ST3GAL4: variants seen among roughly 807,000 people sequenced by gnomAD.
The protein encoded by ST3GAL4 is ST3 beta-galactoside alpha-2,3-sialyltransferase 4.
Under a neutral mutation model 42.6 loss-of-function variants are expected in ST3GAL4, and 24 were observed. The ratio of observed to expected loss-of-function variants is 0.56; its 90% CI spans 0.41 to 0.79. The LOEUF is 0.79. Among genes scored for constraint, ST3GAL4 ranks in the 30% least tolerant of loss-of-function variants. The pLI is 0.00. For synonymous variants in ST3GAL4, 135 were observed against 163.2 expected, an observed-to-expected ratio of 0.83 and a Z score of 1.32; for missense variants, 311 against 430.8, an observed-to-expected ratio of 0.72 and a Z score of 2.46.
At position 126,406,738 on chromosome 11, in the gene ST3GAL4, T is replaced by TG. The variant is rs907392538; in HGVS notation, c.101+182dup. On this transcript the variant is annotated intron_variant, in intron 3 of 10. Coordinates refer to ENST00000444328, the MANE Select transcript of ST3GAL4 (RefSeq NM_001254757.2). This position sits in a 1 kb window ranked among gnomAD's most constrained non-coding sequence, Gnocchi z 5.4. Reference sequence around the variant, plus strand: ...GGGTGGGTGGGGGTAGGGCCTGGGATGTCTCACTGGGCCCTCACCCAGGGA... The same window carrying TG: ...GGGTGGGTGGGGGTAGGGCCTGGGATGGTCTCACTGGGCCCTCACCCAGGGA... 1.6e-5 allele frequency: 15 copies of TG among 923,826 alleles called. No homozygotes were observed. The Admixed American group carries it at 1.7e-4, about 11-fold the overall frequency. The allele number at this position is 923,826 out of a possible 1,614,324, so 57.2% of individuals were successfully genotyped here.
intron 1 of ST3GAL4, among the ~76,000 whole-genome samples, chr11:126,388,666 T>TTG (rs1953335594): frequency 7.2e-6 from 1 of 139,076 alleles, no homozygotes; most frequent in Non-Finnish European, 1.6e-5. Context: ...TCTTGTTTTT[T>TTG]TTTTTTTTTT....
At chr11:126,382,504 C>T (rs1953047262) in intron 1 of ST3GAL4, among the ~76,000 whole-genome samples, 1 of 151,192 alleles carries the variant, frequency 6.6e-6, no homozygotes, top group Admixed American at 6.6e-5. Flanking sequence ...GAGGGCCGAG[C>T]TCTTCCACCT....
rs891468946 is a variant in ST3GAL4 at position 126,397,691 on chromosome 11, G to A, written c.-60-8405G>A. 6.6e-6 allele frequency among the ~76,000 whole-genome samples: 1 copy of A among 152,208 alleles called. No individual in the cohort carries two copies. Among genetic ancestry groups the A allele is most frequent in the Non-Finnish European group, 1.5e-5 (1 of 68,024 alleles). On this transcript the variant is annotated intron_variant, in intron 1 of 10. Transcript: ENST00000444328. The surrounding 1 kb of genome is among the most constrained non-coding windows in gnomAD (Gnocchi z 5.0). Reference sequence around the variant, plus strand: ...GAAGTTTATTTGGCTCACAGTTCTGGAGGCTCGGATGTCCAAGATCTAGAG... The same window carrying A: ...GAAGTTTATTTGGCTCACAGTTCTGAAGGCTCGGATGTCCAAGATCTAGAG...
rs57803679 is a variant in ST3GAL4, at chr11:126,395,896, T to TG, written c.-60-10198dup. 2.6e-3 allele frequency among the ~76,000 whole-genome samples: 396 copies of TG among 152,150 alleles called. 1 individual carries two copies. The highest frequency in any genetic ancestry group is 7.3e-3 in the African/African-American group (303 of 41,476). ...GCAGGCAGCCTGTGTTGGGAGGAGT[T>TG]GGCAAGGAGGGAGGAGGTGCTGGCC... On this transcript the variant is annotated intron_variant, in intron 1 of 10. Coordinates refer to ENST00000444328, the MANE Select transcript of ST3GAL4 (RefSeq NM_001254757.2).
intron 1 of ST3GAL4, among the ~76,000 whole-genome samples, chr11:126,370,125 T>C (rs144868403): frequency 2.9e-4 from 44 of 152,342 alleles, no homozygotes; most frequent in African/African-American, 8.7e-4. Context: ...ACAAGTCTCT[T>C]TGCAAATATA....
At chr11:126,380,765 A>C (rs960254702) in intron 1 of ST3GAL4, among the ~76,000 whole-genome samples, 1 of 152,200 alleles carries the variant, frequency 6.6e-6, no homozygotes, top group African/African-American at 2.4e-5. Context: ...GAGCCTGAGC[A>C]TCTCCAAAGA....
chr11:126,357,171 C>T (rs1465551469), intron 1 of ST3GAL4, among the ~76,000 whole-genome samples: 2 of 152,124 alleles, frequency 1.3e-5, no homozygotes, highest in South Asian at 2.1e-4. Context: ...TCTGGGAATG[C>T]CCCTTGACCG....
rs1168580960 is a variant in ST3GAL4 at position 126,391,506 on chromosome 11, T to G, written c.-60-14590T>G. Among the ~76,000 whole-genome samples the G allele has an allele frequency of 6.6e-6, 1 of 152,160 alleles. No homozygotes were observed. On this transcript the variant is annotated intron_variant, in intron 1 of 10. Coordinates refer to ENST00000444328, the MANE Select transcript of ST3GAL4 (RefSeq NM_001254757.2). This position sits in a 1 kb window ranked among gnomAD's most constrained non-coding sequence, Gnocchi z 5.5. ...GGCTCTTGGAAAGACAGAGTGTGACTTCCCCAGTGTGGTCTCCTTCCTTTT... is the reference window on the plus strand; with the variant it reads ...GGCTCTTGGAAAGACAGAGTGTGACGTCCCCAGTGTGGTCTCCTTCCTTTT...
rs1015332116 is a variant in ST3GAL4 at position 126,359,799 on chromosome 11, C to G, written c.-61+3957C>G. 6.6e-6 allele frequency among the ~76,000 whole-genome samples: 1 copy of G among 151,048 alleles called. No homozygotes were observed. The highest frequency in any genetic ancestry group is 1.5e-5 in the Non-Finnish European group (1 of 68,024). ...CTCCCAGCCTCCCCAGCCCCCACCT[C>G]TGCTGCTTTCCCTTGGCAATTGCTT... On this transcript the variant is annotated intron_variant, in intron 1 of 10. Coordinates refer to ENST00000444328, the MANE Select transcript of ST3GAL4 (RefSeq NM_001254757.2). The surrounding 1 kb of genome is among the most constrained non-coding windows in gnomAD (Gnocchi z 4.8).
Position 126,392,685 on chromosome 11 carries a change from C to A in ST3GAL4, c.-60-13411C>A, listed in dbSNP as rs563113612. ...GGCATTAAATTTAGTGCTGGAGATA[C>A]TATGGGACATAAGAAGTCCCTGCTT... On this transcript the variant is annotated intron_variant, in intron 1 of 10. Coordinates refer to ENST00000444328, the MANE Select transcript of ST3GAL4 (RefSeq NM_001254757.2). This position sits in a 1 kb window ranked among gnomAD's most constrained non-coding sequence, Gnocchi z 5.8. Among the ~76,000 whole-genome samples the A allele has an allele frequency of 5.3e-5, 8 of 152,310 alleles. No homozygotes were observed. The East Asian group carries it at 1.5e-3, about 29-fold the overall frequency.
Position 126,376,112 on chromosome 11 carries a change from C to T in ST3GAL4, c.-61+20270C>T, listed in dbSNP as rs1461035552. On this transcript the variant is annotated intron_variant, in intron 1 of 10. Coordinates refer to ENST00000444328, the MANE Select transcript of ST3GAL4 (RefSeq NM_001254757.2). This position sits in a 1 kb window ranked among gnomAD's most constrained non-coding sequence, Gnocchi z 5.1. ...GCCTCACAGGCAAGATAGGAAAACA[C>T]AGAATTATATAATACGAAATTACAT... 6.6e-5 allele frequency among the ~76,000 whole-genome samples: 10 copies of T among 152,082 alleles called. No homozygotes were observed. The highest frequency in any genetic ancestry group is 5.9e-5 in the Non-Finnish European group (4 of 68,028).
Position 126,414,282 on chromosome 11 carries a change from G to A in ST3GAL4, c.*235G>A. The A allele has an allele frequency of 1.8e-6, 1 of 567,714 alleles. No individual in the cohort carries two copies. The highest frequency in any genetic ancestry group is 3.2e-6 in the Non-Finnish European group (1 of 316,160). 35.2% of individuals were successfully genotyped at this position (567,714 alleles called of 1,614,324 possible). A position where few individuals can be genotyped will look rare whatever the true frequency, so the allele number is the denominator to read the frequency against. ...CCGTGGGAGCCCGGCCAGGGCAGGG[G>A]GCTCGTTGCTGTGGCACCCCCTCTC... On this transcript the variant is annotated 3_prime_UTR_variant, in exon 11 of 11. Coordinates refer to ENST00000444328, the MANE Select transcript of ST3GAL4 (RefSeq NM_001254757.2).
rs1952736256 is a variant in ST3GAL4, at chr11:126,373,723, G to A, written c.-61+17881G>A. On this transcript the variant is annotated intron_variant, in intron 1 of 10. Coordinates refer to ENST00000444328, the MANE Select transcript of ST3GAL4 (RefSeq NM_001254757.2). The surrounding 1 kb of genome is among the most constrained non-coding windows in gnomAD (Gnocchi z 5.5). ...CTTTCCCTCAAAGGTCAGACAGCTTGAGAGATGTTTCCATCCTCCCATGCA... is the reference window on the plus strand; with the variant it reads ...CTTTCCCTCAAAGGTCAGACAGCTTAAGAGATGTTTCCATCCTCCCATGCA... Among the ~76,000 whole-genome samples, 1 of 152,144 alleles carries A rather than the reference G, an allele frequency of 6.6e-6. No homozygotes were observed. Among genetic ancestry groups the A allele is most frequent in the African/African-American group, 2.4e-5 (1 of 41,444 alleles).
At chr11:126,413,273 C>T (rs1954608247) in intron 9 of ST3GAL4, 6 of 451,686 alleles carry the variant, frequency 1.3e-5, no homozygotes, top group Non-Finnish European at 2.3e-5. Context: ...GCACCCAGCA[C>T]ATGTGGCGAT....
At chr11:126,375,598 T>C (rs1952806908) in intron 1 of ST3GAL4, among the ~76,000 whole-genome samples, 1 of 152,076 alleles carries the variant, frequency 6.6e-6, no homozygotes. Context: ...ACAATGGAGG[T>C]AATTATCGTG....
At position 126,407,352 on chromosome 11, in the gene ST3GAL4, A is replaced by G. The variant is rs1007148703; in HGVS notation, c.280+3A>G. 2 of 1,613,738 alleles carry G rather than the reference A, an allele frequency of 1.2e-6. No homozygotes were observed. The highest frequency in any genetic ancestry group is 1.3e-5 in the African/African-American group (1 of 74,870). On this transcript the variant is annotated splice_donor_region_variant and intron_variant, in intron 5 of 10. Transcript: ENST00000444328. ...GCCCTATGGGACCAAGGGGAGTGGT[A>G]AGTTCCTACCCGGCTCGTGGGAACC...
Position 126,406,893 on chromosome 11 carries a change from G to A in ST3GAL4, c.102-50G>A. ...AAGGCTTAGGCTGCCTGGAACATGG[G>A]TCCCTGGGTCTGACTGGGGCTTCTG... On this transcript the variant is annotated intron_variant, in intron 3 of 10. Coordinates refer to ENST00000444328, the MANE Select transcript of ST3GAL4 (RefSeq NM_001254757.2). This position sits in a 1 kb window ranked among gnomAD's most constrained non-coding sequence, Gnocchi z 5.4. 1 of 1,536,708 alleles carries A rather than the reference G, an allele frequency of 6.5e-7. No homozygotes were observed. The highest frequency in any genetic ancestry group is 9.0e-7 in the Non-Finnish European group (1 of 1,111,264).
At chr11:126,407,889 C>T (rs1438896875) in intron 6 of ST3GAL4, among the ~76,000 whole-genome samples, 1 of 152,264 alleles carries the variant, frequency 6.6e-6, no homozygotes, top group Admixed American at 6.5e-5. Context: ...CTGCCCTCTT[C>T]TGTGCTCTGC....
chr11:126,408,797 C>T (rs556457542), intron 8 of ST3GAL4: 59 of 465,990 alleles, frequency 1.3e-4, no homozygotes, highest in South Asian at 7.7e-4. Context: ...GTGAGGAACT[C>T]GGGAGCTGAG....
Sources: allele counts gnomAD v4.1 joint callset (sites outside exome capture counted in the v4.1 genomes callset), GRCh38; gene constraint gnomAD v4.1.1; non-coding constraint Gnocchi (gnomAD v3.1); transcripts MANE v1.5; gene names NCBI Gene and HGNC (gene_info 2026-07-23, HGNC 2026-07-21).